GRIN2B: variants seen among roughly 807,000 people sequenced by gnomAD.
The protein encoded by GRIN2B is glutamate ionotropic receptor NMDA type subunit 2B.
A neutral mutation model predicts 114.5 loss-of-function variants in GRIN2B; 5 were observed. The ratio of observed to expected loss-of-function variants is 0.04; its 90% CI spans 0.02 to 0.09. The LOEUF is 0.09. GRIN2B is among the 10% of genes least tolerant of loss of function. The probability of loss-of-function intolerance (pLI) is 1.00; values close to 1 mark genes in which losing one functional copy is unlikely to be tolerated. For missense variants in GRIN2B, 1,108 were observed against 1,943.5 expected, an observed-to-expected ratio of 0.57 and a Z score of 8.08; for synonymous variants, 787 against 745.1, an observed-to-expected ratio of 1.06 and a Z score of -0.92.
chr12:13,863,788 T>C (rs1306965315), intron 3 of GRIN2B, among the ~76,000 whole-genome samples: 1 of 152,132 alleles, frequency 6.6e-6, no homozygotes, highest in African/African-American at 2.4e-5. Flanking sequence ...TAGGCATAAC[T>C]TTTTCTACCA....
At chr12:13,870,677 G>A (rs1865890595) in intron 2 of GRIN2B, among the ~76,000 whole-genome samples, 1 of 151,716 alleles carries the variant, frequency 6.6e-6, no homozygotes, top group African/African-American at 2.4e-5. Context: ...ATGCAGTCAG[G>A]ACATTATTTG....
intron 3 of GRIN2B, among the ~76,000 whole-genome samples, chr12:13,850,874 T>C (rs1330000919): frequency 2.0e-5 from 3 of 151,206 alleles, no homozygotes; most frequent in Non-Finnish European, 4.4e-5. Flanking sequence ...GCGGGCCAGT[T>C]GCTTTCCTTT....
rs975934845 is a variant in GRIN2B, at chr12:13,557,157, T to C, written c.*5626A>G. The C allele has an allele frequency of 5.3e-5, 8 of 152,156 alleles. No individual in the cohort carries two copies. Among genetic ancestry groups the C allele is most frequent in the African/African-American group, 1.9e-4 (8 of 41,426 alleles). 9.4% of individuals were successfully genotyped at this position (152,156 alleles called of 1,614,324 possible). On this transcript the variant is annotated 3_prime_UTR_variant, in exon 14 of 14. Coordinates refer to ENST00000609686, the MANE Select transcript of GRIN2B (RefSeq NM_000834.5). Reference sequence around the variant, plus strand: ...GAGTTGAGGGTGGGATGTTCTCAGATATCCTATGATTTTATACAATACTGC... The same window carrying C: ...GAGTTGAGGGTGGGATGTTCTCAGACATCCTATGATTTTATACAATACTGC...
intron 2 of GRIN2B, among the ~76,000 whole-genome samples, chr12:13,897,666 T>C (rs200405401): frequency 6.6e-6 from 1 of 152,242 alleles, no homozygotes; most frequent in East Asian, 1.9e-4. Context: ...AAAATAAGAA[T>C]GTTGTATTAG....
chr12:13,782,480 C>T (rs1332494437), intron 3 of GRIN2B, among the ~76,000 whole-genome samples: 1 of 152,134 alleles, frequency 6.6e-6, no homozygotes, highest in Non-Finnish European at 1.5e-5. Context: ...TTGCTCTTCT[C>T]AAGGGACAAA....
chr12:13,562,839 C>T lies in GRIN2B; in HGVS notation c.4399G>A (p.Gly1467Ser), dbSNP rs1190416870. Residue 1467 changes from glycine (G) to serine (S), a missense_variant, in exon 14 of 14, where the codon GGC becomes AGC. By Grantham distance (56) the Gly-to-Ser change is moderately conservative. This residue lies in a region of GRIN2B where 478 missense variants were observed against 506.0 expected (regional missense o/e 0.94). Transcript: ENST00000609686. The part of the protein sequence containing the change: ...PNNKNPRAFN[G>S]SSNGHVYEKL... The stretch of plus-strand genomic sequence containing the variant: ...TCATAAACATGCCCATTGCTGGAGC[C>T]ATTGAAAGCCCTGGGGTTTTTGTTG... The T allele has an allele frequency of 1.2e-6, 2 of 1,614,044 alleles. No homozygotes were observed. The highest frequency in any genetic ancestry group is 1.7e-6 in the Non-Finnish European group (2 of 1,180,002).
At chr12:13,726,171 C>G (rs1862980613) in intron 4 of GRIN2B, among the ~76,000 whole-genome samples, 3 of 152,034 alleles carry the variant, frequency 2.0e-5, no homozygotes, top group Non-Finnish European at 4.4e-5. Context: ...TCTTTCTCCA[C>G]TTCCAGAAAT....
intron 5 of GRIN2B, among the ~76,000 whole-genome samples, chr12:13,617,481 C>T (rs1175135830): frequency 6.6e-6 from 1 of 152,188 alleles, no homozygotes; most frequent in East Asian, 1.9e-4. Flanking sequence ...GGCAACCATC[C>T]TGAGAAATGT....
rs941556673 is a variant in GRIN2B at position 13,775,906 on chromosome 12, C to T, written c.412-21991G>A. ...ACCTAAGAACAGAAGTACCATTCAA[C>T]CCAGCAGTTCCATTACCGAATATAC... On this transcript the variant is annotated intron_variant, in intron 3 of 13. Transcript: ENST00000609686. Among the ~76,000 whole-genome samples the T allele has an allele frequency of 2.6e-5, 4 of 152,270 alleles. No individual in the cohort carries two copies. In the East Asian group the frequency reaches 7.7e-4, roughly 29 times the overall value.
chr12:13,562,666 AAAC>A lies in GRIN2B; in HGVS notation c.*114_*116del. ...ACTCCAGGATCCCATAAATAAATTAAAACAAGAAAGGAGCAAATGGGAACCAAG... is the reference window on the plus strand; with the variant it reads ...ACTCCAGGATCCCATAAATAAATTAAAAGAAAGGAGCAAATGGGAACCAAG... On this transcript the variant is annotated 3_prime_UTR_variant, in exon 14 of 14. Transcript: ENST00000609686. 1.1e-6 allele frequency: 1 copy of A among 905,100 alleles called. No individual in the cohort carries two copies. Among genetic ancestry groups the A allele is most frequent in the Non-Finnish European group, 1.8e-6 (1 of 546,368 alleles). The allele number at this position is 905,100 out of a possible 1,614,324, so 56.1% of individuals were successfully genotyped here. A position where few individuals can be genotyped will look rare whatever the true frequency, so the allele number is the denominator to read the frequency against.
At chr12:13,974,894 G>C (rs1265950353) in intron 2 of GRIN2B, among the ~76,000 whole-genome samples, 1 of 151,924 alleles carries the variant, frequency 6.6e-6, no homozygotes, top group African/African-American at 2.4e-5. Context: ...AAGAGACTAA[G>C]AGACATTAAC....
At chr12:13,844,642 T>A (rs1865439308) in intron 3 of GRIN2B, among the ~76,000 whole-genome samples, 1 of 152,160 alleles carries the variant, frequency 6.6e-6, no homozygotes. Flanking sequence ...AAGACCTACA[T>A]TCTAGTCCTA....
intron 3 of GRIN2B, among the ~76,000 whole-genome samples, chr12:13,763,229 C>T (rs1348226373): frequency 6.6e-6 from 1 of 152,170 alleles, no homozygotes; most frequent in African/African-American, 2.4e-5. Context: ...GATCTTTAAA[C>T]CAGGATAGGC....
chr12:13,879,926 C>G (rs7952915), intron 2 of GRIN2B, among the ~76,000 whole-genome samples: 37,579 of 152,176 alleles, frequency 0.25, 4,777 homozygotes, highest in East Asian at 0.31. Flanking sequence ...ACTTGACTTA[C>G]GACTTCACAC....
chr12:13,746,572 C>T (rs1424312280), intron 4 of GRIN2B, among the ~76,000 whole-genome samples: 3 of 152,218 alleles, frequency 2.0e-5, no homozygotes, highest in African/African-American at 7.2e-5. Context: ...TCCCCACTCA[C>T]TCACCCTCTG....
intron 4 of GRIN2B, among the ~76,000 whole-genome samples, chr12:13,744,362 T>C (rs1863336554): frequency 6.6e-6 from 1 of 152,290 alleles, no homozygotes; most frequent in East Asian, 1.9e-4. Context: ...ACTTGACAAA[T>C]GCAAATATAC....
In GRIN2B at chr12:13,547,981, A is replaced by ATATATATATATATATATATATTTTTT; in HGVS notation, c.*14801_*14802insAAAAAATATATATATATATATATATA. The stretch of plus-strand genomic sequence containing the variant: ...TGTGTATATATATATATATATATAT[A>ATATATATATATATATATATATTTTTT]TTTTTTTTTTTTTTCTGAAAGCTAC... On this transcript the variant is annotated 3_prime_UTR_variant, in exon 14 of 14. Transcript: ENST00000609686. 1 of 68,580 alleles carries ATATATATATATATATATATATTTTTT rather than the reference A, an allele frequency of 1.5e-5. No individual in the cohort carries two copies. The highest frequency in any genetic ancestry group is 2.9e-5 in the Non-Finnish European group (1 of 34,412). 4.2% of individuals were successfully genotyped at this position (68,580 alleles called of 1,614,324 possible).
rs377002189 is a variant in GRIN2B, at chr12:13,613,855, C to T, written c.1654+1259G>A. Among the ~76,000 whole-genome samples the T allele has an allele frequency of 7.9e-5, 12 of 152,170 alleles. No homozygotes were observed. The East Asian group carries it at 9.7e-4, about 12-fold the overall frequency. On this transcript the variant is annotated intron_variant, in intron 8 of 13. Coordinates refer to ENST00000609686, the MANE Select transcript of GRIN2B (RefSeq NM_000834.5). ...TAACTGCTCCTCCTCTGAATACAGA[C>T]GTAAACACACCCTGCCTGACATTTC... is the stretch of plus-strand genomic sequence containing the variant.
chr12:13,616,464 A>C lies in GRIN2B; in HGVS notation c.1319T>G (p.Ile440Arg). The change falls in exon 6 of 14, where the codon ATA becomes AGA. Residue 440 changes from isoleucine (I) to arginine (R), a missense_variant. By Grantham distance (97) the Ile-to-Arg change is moderately conservative. This residue lies in a region of GRIN2B where 26 missense variants were observed against 23.5 expected (regional missense o/e 1.11). Transcript: ENST00000609686. ...MRNTVPCQKR[I>R]VTENKTDEEP... ...TGAGAGGATGCCATACTCAGTGACT[A>C]TGCGTTTTTGGCAGGGGACTGTGTT... is the stretch of plus-strand genomic sequence containing the variant. 6.2e-7 allele frequency: 1 copy of C among 1,612,714 alleles called. No individual in the cohort carries two copies. Among genetic ancestry groups the C allele is most frequent in the Non-Finnish European group, 8.5e-7 (1 of 1,179,078 alleles).
Sources: allele counts gnomAD v4.1 joint callset (sites outside exome capture counted in the v4.1 genomes callset), GRCh38; gene constraint gnomAD v4.1.1; regional missense constraint gnomAD v4.1.1; transcripts MANE v1.5; gene names NCBI Gene and HGNC (gene_info 2026-07-23, HGNC 2026-07-21).